The following RFC3 variants were observed in gnomAD, a reference collection of about 807,000 sequenced individuals.
RFC3 encodes the protein replication factor C subunit 3.
Under a neutral mutation model 45.1 loss-of-function variants are expected in RFC3, and 41 were observed. The ratio of observed to expected loss-of-function variants is 0.91; its 90% CI spans 0.71 to 1.18. The LOEUF (loss-of-function observed/expected upper bound fraction) is 1.18. RFC3 is among the 50% of genes most tolerant of loss of function. RFC3 has a pLI of 0.00. For synonymous variants in RFC3, 149 were observed against 144.0 expected (o/e 1.03, Z -0.25); for missense variants, 423 against 428.1 (o/e 0.99, Z 0.10).
downstream of RFC3, among the ~76,000 whole-genome samples, chr13:33,842,364 G>T (rs1261722942): frequency 6.6e-6 from 1 of 151,904 alleles, no homozygotes; most frequent in Non-Finnish European, 1.5e-5. Flanking sequence ...AATGTAATAC[G>T]ATCTAATCTT....
chr13:33,830,077 G>A, intron 5 of RFC3, 60 bp downstream of exon 5: 1 of 1,432,268 alleles, frequency 7.0e-7, no homozygotes, highest in Non-Finnish European at 9.7e-7. Context: ...AATATTGTAT[G>A]CTTGTTGTAA....
At chr13:33,963,682 G>T (rs1288121848) in intron 8 of RFC3, among the ~76,000 whole-genome samples, 1 of 152,020 alleles carries the variant, frequency 6.6e-6, no homozygotes, top group Non-Finnish European at 1.5e-5. Flanking sequence ...TTCTATAATG[G>T]ACTTCTGGGC....
intron 7 of RFC3, among the ~76,000 whole-genome samples, chr13:33,834,296 G>GTGTA (rs1566384920): frequency 2.3e-4 from 10 of 43,850 alleles, no homozygotes; most frequent in South Asian, 1.1e-3. Context: ...TCTGTACTGT[G>GTGTA]TGTATATATA....
At chr13:33,891,506 G>T (rs533770449) in intron 8 of RFC3, among the ~76,000 whole-genome samples, 1 of 152,142 alleles carries the variant, frequency 6.6e-6, no homozygotes, top group South Asian at 2.1e-4. Flanking sequence ...AGACAAAAAG[G>T]TACTTAGTGG....
At chr13:33,927,234 T>TA (rs112241029) in intron 8 of RFC3, among the ~76,000 whole-genome samples, 220 of 141,112 alleles carry the variant, frequency 1.6e-3, no homozygotes, top group South Asian at 3.4e-3. Flanking sequence ...TTAAAGCAGT[T>TA]AAAAAAAAAA....
chr13:33,947,646 G>A (rs1472785436), intron 8 of RFC3, among the ~76,000 whole-genome samples: 1 of 152,226 alleles, frequency 6.6e-6, no homozygotes, highest in East Asian at 1.9e-4. Flanking sequence ...ACAGGAAGAT[G>A]TGAGAAAGTT....
rs2082713276 is a variant in RFC3, at chr13:33,913,187, G to T, written c.880-52900G>T. Among the ~76,000 whole-genome samples the T allele has an allele frequency of 1.3e-5, 2 of 152,068 alleles. 1 individual carries two copies. Among genetic ancestry groups the T allele is most frequent in the Admixed American group, 1.3e-4 (2 of 15,254 alleles). On this transcript the variant is annotated intron_variant, in intron 8 of 8. Coordinates refer to the RFC3 transcript ENST00000434425. ...TAAACTTAATAACTAGTTATTTTAT[G>T]AATACACTCCCTGGATAAGGAGATC...
intron 8 of RFC3, among the ~76,000 whole-genome samples, chr13:33,883,190 A>G (rs982951743): frequency 5.9e-5 from 9 of 152,220 alleles, no homozygotes; most frequent in Non-Finnish European, 1.3e-4. Context: ...ACAACCAACT[A>G]TATATCTTAA....
intron 8 of RFC3, among the ~76,000 whole-genome samples, chr13:33,857,117 A>G (rs1194215659): frequency 1.3e-5 from 2 of 152,352 alleles, no homozygotes; most frequent in East Asian, 3.8e-4. Context: ...AAAGCAATCT[A>G]ATCTTTAGAC....
rs529146651 is a variant in RFC3 at position 33,906,380 on chromosome 13, G to A, written c.880-59707G>A. Among the ~76,000 whole-genome samples the A allele has an allele frequency of 2.6e-5, 4 of 151,830 alleles. No homozygotes were observed. The South Asian group carries it at 8.3e-4, about 31-fold the overall frequency. The stretch of plus-strand genomic sequence containing the variant: ...AAGAATGTTGGTTTGACCAGTTGTA[G>A]GTTCAGTAACATTGGATCCAGCTTT... On this transcript the variant is annotated intron_variant, in intron 8 of 8. Transcript: ENST00000434425.
At chr13:33,950,729 T>C (rs1441233811) in intron 8 of RFC3, among the ~76,000 whole-genome samples, 1 of 152,186 alleles carries the variant, frequency 6.6e-6, no homozygotes, top group East Asian at 1.9e-4. Context: ...CTGGACTTTT[T>C]GCTTAACAGA....
chr13:33,818,172 A>G lies in RFC3; in HGVS notation c.-7A>G. 6.2e-7 allele frequency: 1 copy of G among 1,611,168 alleles called. No individual in the cohort carries two copies. The highest frequency in any genetic ancestry group is 1.1e-5 in the South Asian group (1 of 90,850). On this transcript the variant is annotated 5_prime_UTR_variant, in exon 1 of 9. Coordinates refer to ENST00000380071, the MANE Select transcript of RFC3 (RefSeq NM_002915.4). Reference sequence around the variant, plus strand: ...TCAAGCGTAGGCCCCCGGGAACTCGAGCTGCCATGAGCCTCTGGGTGGACA... The same window carrying G: ...TCAAGCGTAGGCCCCCGGGAACTCGGGCTGCCATGAGCCTCTGGGTGGACA...
intron 8 of RFC3, among the ~76,000 whole-genome samples, chr13:33,851,544 G>T (rs993678118): frequency 6.6e-6 from 1 of 152,108 alleles, no homozygotes; most frequent in Non-Finnish European, 1.5e-5. Flanking sequence ...TTACTAAGTA[G>T]AAGTGGATCA....
chr13:33,818,328 C>G, intron 1 of RFC3, 63 bp downstream of exon 1: 1 of 1,379,578 alleles, frequency 7.2e-7, no homozygotes, highest in Admixed American at 1.8e-5. Flanking sequence ...GTTTCGCGCC[C>G]CCCTGAGGAG....
intron 8 of RFC3, among the ~76,000 whole-genome samples, chr13:33,896,334 A>G (rs191010618): frequency 2.0e-5 from 3 of 152,240 alleles, no homozygotes; most frequent in Non-Finnish European, 1.5e-5. Context: ...AGAACACCAA[A>G]TAGTTTCAAC....
chr13:33,873,285 T>A (rs897774345), intron 8 of RFC3, among the ~76,000 whole-genome samples: 3 of 152,184 alleles, frequency 2.0e-5, no homozygotes, highest in Admixed American at 2.0e-4. Flanking sequence ...AAAGATATTA[T>A]TTCATGAAAT....
intron 8 of RFC3, among the ~76,000 whole-genome samples, chr13:33,877,841 A>G (rs2082458470): frequency 6.7e-6 from 1 of 149,068 alleles, no homozygotes; most frequent in Admixed American, 6.7e-5. Flanking sequence ...GATTATAAAC[A>G]TTTCACTATA....
At chr13:33,933,721 T>TG (rs2082867445) in intron 8 of RFC3, among the ~76,000 whole-genome samples, 1 of 145,614 alleles carries the variant, frequency 6.9e-6, no homozygotes, top group South Asian at 2.2e-4. Context: ...CTGACCGGCT[T>TG]GGAAAAAAAA....
rs1187207987 is a variant in RFC3 at position 33,868,541 on chromosome 13, A to T, written c.879+33324A>T. ...GCAAGTCTTCACTTGTAACTTTGTA[A>T]CTTCAGCCTCTGATTGGTCACCTAT... On this transcript the variant is annotated intron_variant, in intron 8 of 8. Transcript: ENST00000434425. 2.6e-5 allele frequency among the ~76,000 whole-genome samples: 4 copies of T among 152,274 alleles called. No homozygotes were observed. The East Asian group carries it at 7.7e-4, about 29-fold the overall frequency.
Sources: allele counts gnomAD v4.1 joint callset (sites outside exome capture counted in the v4.1 genomes callset), GRCh38; gene constraint gnomAD v4.1.1; transcripts MANE v1.5; gene names NCBI Gene and HGNC (gene_info 2026-07-23, HGNC 2026-07-21).